VWA8: variants seen among roughly 807,000 people sequenced by gnomAD.
VWA8 encodes von Willebrand factor A domain-containing protein 8.
VWA8 carries 221 observed loss-of-function variants against 241.5 expected under a neutral mutation model. That is an observed-to-expected ratio of 0.91 (90% CI 0.82 to 1.02). The LOEUF is 1.02. Ranked by LOEUF, VWA8 falls within the 50% of genes least tolerant of loss-of-function variation. The pLI, the probability that VWA8 is intolerant of heterozygous loss-of-function variation, is 0.00. For synonymous variants in VWA8, 852 were observed against 827.1 expected, an observed-to-expected ratio of 1.03 and a Z score of -0.52; for missense variants, 2,322 against 2,328.7, an observed-to-expected ratio of 1.00 and a Z score of 0.06.
At chr13:41,634,393 G>A (rs532101870) in intron 37 of VWA8, among the ~76,000 whole-genome samples, 19 of 152,162 alleles carry the variant, frequency 1.2e-4, no homozygotes, top group Non-Finnish European at 2.6e-4. Context: ...TAGCTTAACA[G>A]AACCCTGGTT....
intron 22 of VWA8, 118 bp from the exon 23 acceptor site, chr13:41,729,795 G>C: frequency 4.1e-6 from 2 of 484,292 alleles, no homozygotes; most frequent in Non-Finnish European, 3.5e-6. Context: ...AAGTATACAC[G>C]TAGACACACA....
At chr13:41,633,027 C>T (rs1047513743) in intron 37 of VWA8, among the ~76,000 whole-genome samples, 1 of 152,194 alleles carries the variant, frequency 6.6e-6, no homozygotes. Flanking sequence ...TGTGAGGGAA[C>T]CTTCCAGGTT....
chr13:41,668,291 A>G (rs1056163277), intron 37 of VWA8, among the ~76,000 whole-genome samples: 1 of 152,128 alleles, frequency 6.6e-6, no homozygotes, highest in Non-Finnish European at 1.5e-5. Context: ...TAAGCCTTTC[A>G]TTGCCAGCAG....
At position 41,928,834 on chromosome 13, in the gene VWA8, G is replaced by C. The variant is rs61963121; in HGVS notation, c.242-16666C>G. Among the ~76,000 whole-genome samples the C allele has an allele frequency of 7.5e-4, 108 of 144,732 alleles. 1 individual carries two copies. Among genetic ancestry groups the C allele is most frequent in the African/African-American group, 2.4e-3 (97 of 39,662 alleles). 94.9% of individuals were successfully genotyped at this position (144,732 alleles called of 152,430 possible). A position where few individuals can be genotyped will look rare whatever the true frequency, so the allele number is the denominator to read the frequency against. ...ACTGATAAACCTTCAGCTTGTTTAA[G>C]GGAAAAAAAAAAGAGAAGACTCAAA... is the stretch of plus-strand genomic sequence containing the variant. On this transcript the variant is annotated intron_variant, in intron 2 of 44. Transcript: ENST00000379310.
At chr13:41,918,301 C>T (rs1430893516) in intron 2 of VWA8, among the ~76,000 whole-genome samples, 1 of 152,162 alleles carries the variant, frequency 6.6e-6, no homozygotes, top group Non-Finnish European at 1.5e-5. Flanking sequence ...ACTAAATCTA[C>T]AGCACTGGCC....
chr13:41,958,386 C>A (rs1202083460), intron 1 of VWA8, among the ~76,000 whole-genome samples: 1 of 152,140 alleles, frequency 6.6e-6, no homozygotes, highest in African/African-American at 2.4e-5. Context: ...GAAATAACAG[C>A]AGTATATAAC....
chr13:41,567,578 A>AT lies in VWA8; in HGVS notation c.*618dup, dbSNP rs1461645356. ...ACGTGGAAAGGCAAGCACTCCAAGG[A>AT]TTTTTTGATTCCTTTTGGCTTTGGC... On this transcript the variant is annotated 3_prime_UTR_variant, in exon 45 of 45. Transcript: ENST00000379310. 14 of 152,306 alleles carry AT rather than the reference A, an allele frequency of 9.2e-5. No individual in the cohort carries two copies. Among genetic ancestry groups the AT allele is most frequent in the African/African-American group, 3.4e-4 (14 of 41,574 alleles). The allele number at this position is 152,306 out of a possible 1,614,324, so 9.4% of individuals were successfully genotyped here. A position where few individuals can be genotyped will look rare whatever the true frequency, so the allele number is the denominator to read the frequency against.
intron 20 of VWA8, among the ~76,000 whole-genome samples, chr13:41,764,709 A>C (rs1268999853): frequency 2.0e-5 from 3 of 152,106 alleles, no homozygotes; most frequent in Non-Finnish European, 1.5e-5. Context: ...ACAGGTATGC[A>C]AGAAGTCAGA....
At chr13:41,746,434 T>C (rs1433493041) in intron 21 of VWA8, among the ~76,000 whole-genome samples, 2 of 152,008 alleles carry the variant, frequency 1.3e-5, no homozygotes, top group Admixed American at 6.6e-5. Context: ...GTTTCAGGAG[T>C]CTGTAGCTCT....
intron 44 of VWA8, among the ~76,000 whole-genome samples, chr13:41,569,730 T>A (rs1374736113): frequency 6.6e-6 from 1 of 152,056 alleles, no homozygotes; most frequent in African/African-American, 2.4e-5. Context: ...CATGAGCTCT[T>A]TCTGTTTGTA....
chr13:41,588,644 C>A (rs2044435198), intron 41 of VWA8, among the ~76,000 whole-genome samples: 2 of 151,172 alleles, frequency 1.3e-5, no homozygotes, highest in Non-Finnish European at 2.9e-5. Context: ...TCACTTGAGC[C>A]CAATAGTTTG....
chr13:41,828,790 T>C (rs1871290626), intron 14 of VWA8, among the ~76,000 whole-genome samples: 1 of 151,782 alleles, frequency 6.6e-6, no homozygotes, highest in Admixed American at 6.5e-5. Context: ...ATCATTATCA[T>C]ACTTAAGGAA....
chr13:41,871,168 C>T (rs1873587672), intron 9 of VWA8, among the ~76,000 whole-genome samples: 2 of 152,066 alleles, frequency 1.3e-5, no homozygotes, highest in Admixed American at 6.5e-5. Context: ...GTCAGAAGAA[C>T]AATAGACATA....
At chr13:41,880,530 A>C (rs1226069775) in intron 9 of VWA8, among the ~76,000 whole-genome samples, 2 of 152,236 alleles carry the variant, frequency 1.3e-5, no homozygotes, top group African/African-American at 4.8e-5. Context: ...ACTTGCTTCT[A>C]ATGGTCCAGG....
intron 41 of VWA8, among the ~76,000 whole-genome samples, chr13:41,589,419 A>G (rs948710926): frequency 2.7e-5 from 4 of 150,010 alleles, no homozygotes; most frequent in African/African-American, 9.7e-5. Context: ...GGCTTAATAG[A>G]CACACCAGGT....
intron 20 of VWA8, among the ~76,000 whole-genome samples, chr13:41,770,427 C>A (rs1466917512): frequency 2.2e-5 from 3 of 135,860 alleles, no homozygotes; most frequent in African/African-American, 8.2e-5. Flanking sequence ...GGCGACAGAG[C>A]GAGACTCCGT....
intron 22 of VWA8, among the ~76,000 whole-genome samples, chr13:41,730,845 AATT>A (rs2045477191): frequency 6.6e-6 from 1 of 151,950 alleles, no homozygotes; most frequent in African/African-American, 2.4e-5. Context: ...CTTCTACCAC[AATT>A]ATTTTAAACC....
intron 20 of VWA8, among the ~76,000 whole-genome samples, chr13:41,764,140 A>AT (rs1406214193): frequency 6.6e-6 from 1 of 152,124 alleles, no homozygotes; most frequent in Non-Finnish European, 1.5e-5. Flanking sequence ...CAACCCCCAT[A>AT]TAACAGCACA....
chr13:41,741,904 G>C (rs1378046193), intron 21 of VWA8, among the ~76,000 whole-genome samples: 2 of 152,210 alleles, frequency 1.3e-5, no homozygotes, highest in African/African-American at 4.8e-5. Context: ...TGGGGACACA[G>C]AAGAGAAGGC....
Sources: allele counts gnomAD v4.1 joint callset (sites outside exome capture counted in the v4.1 genomes callset), GRCh38; gene constraint gnomAD v4.1.1; transcripts MANE v1.5; gene names NCBI Gene and HGNC (gene_info 2026-07-23, HGNC 2026-07-21).